The following LTN1 variants were observed in gnomAD, a reference collection of about 807,000 sequenced individuals.
LTN1 encodes E3 ubiquitin-protein ligase listerin.
LTN1 carries 88 observed loss-of-function variants against 201.2 expected under a neutral mutation model. That is an observed-to-expected ratio of 0.44 (90% CI 0.37 to 0.52). The LOEUF is 0.52. Among genes scored for constraint, LTN1 ranks in the 20% least tolerant of loss-of-function variants. The pLI is 0.00. For missense variants in LTN1, 1,752 were observed against 2,038.7 expected, an observed-to-expected ratio of 0.86 and a Z score of 2.71; for synonymous variants, 645 against 713.5, an observed-to-expected ratio of 0.90 and a Z score of 1.53.
chr21:28,973,069 C>T (rs577861935), intron 6 of LTN1, among the ~76,000 whole-genome samples: 137 of 152,120 alleles, frequency 9.0e-4, no homozygotes, highest in Admixed American at 1.5e-3. Flanking sequence ...GGATGAAGGC[C>T]GGGCATGGTG....
intron 18 of LTN1, 24 bp downstream of exon 18, chr21:28,952,136 T>C (rs758884275): frequency 2.1e-6 from 3 of 1,446,692 alleles, no homozygotes; most frequent in Non-Finnish European, 2.9e-6. Flanking sequence ...AACTACAAAG[T>C]AAAAACATTT....
At position 28,986,363 on chromosome 21, in the gene LTN1, G is replaced by C; in HGVS notation, c.247-126C>G. The C allele has an allele frequency of 1.4e-6, 1 of 706,874 alleles. No homozygotes were observed. Among genetic ancestry groups the C allele is most frequent in the Non-Finnish European group, 2.5e-6 (1 of 401,738 alleles). The allele number at this position is 706,874 out of a possible 1,614,324, so 43.8% of individuals were successfully genotyped here. On this transcript the variant is annotated intron_variant, in intron 2 of 29. Coordinates refer to ENST00000361371, the MANE Select transcript of LTN1 (RefSeq NM_015565.3). The surrounding 1 kb of genome is among the most constrained non-coding windows in gnomAD (Gnocchi z 4.1). ...TACACTATTTCTCTTTATGCCATAT[G>C]AGACTAGTTTGAAGAGCTCTTTCAC...
chr21:28,953,809 G>A lies in LTN1; in HGVS notation c.3080-433C>T, dbSNP rs1250053092. Among the ~76,000 whole-genome samples, 3 of 152,124 alleles carry A rather than the reference G, an allele frequency of 2.0e-5. No individual in the cohort carries two copies. In the East Asian group the frequency reaches 5.8e-4, roughly 29 times the overall value. Reference sequence around the variant, plus strand: ...GACATGAGGCCTCAATTACAGATTGGGGTGGATTCAAATCTGCATCTCTCT... The same window carrying A: ...GACATGAGGCCTCAATTACAGATTGAGGTGGATTCAAATCTGCATCTCTCT... On this transcript the variant is annotated intron_variant, in intron 16 of 29. Coordinates refer to ENST00000361371, the MANE Select transcript of LTN1 (RefSeq NM_015565.3).
At chr21:28,936,192 CAT>C (rs2084255478) in intron 26 of LTN1, among the ~76,000 whole-genome samples, 2 of 152,306 alleles carry the variant, frequency 1.3e-5, no homozygotes, top group African/African-American at 2.4e-5. Flanking sequence ...TCTCAGCTCA[CAT>C]GTGAGCTCCC....
chr21:28,956,959 A>G lies in LTN1; in HGVS notation c.2893-11T>C. The G allele has an allele frequency of 6.6e-7, 1 of 1,508,304 alleles. No homozygotes were observed. Among genetic ancestry groups the G allele is most frequent in the Non-Finnish European group, 9.0e-7 (1 of 1,110,892 alleles). The allele number at this position is 1,508,304 out of a possible 1,614,324, so 93.4% of individuals were successfully genotyped here. On this transcript the variant is annotated splice_polypyrimidine_tract_variant and intron_variant, in intron 15 of 29. Coordinates refer to ENST00000361371, the MANE Select transcript of LTN1 (RefSeq NM_015565.3). ...AGGTCTATGTAACCACTGTGAAAAG[A>G]ATACGTTATATACAAAATTATTTAT...
At chr21:28,936,312 C>T (rs1030135134) in intron 26 of LTN1, among the ~76,000 whole-genome samples, 3 of 152,196 alleles carry the variant, frequency 2.0e-5, no homozygotes, top group Admixed American at 6.5e-5. Flanking sequence ...TCTCACCACA[C>T]TAAGCTTCAA....
intron 16 of LTN1, among the ~76,000 whole-genome samples, chr21:28,954,560 T>C (rs2084409207): frequency 1.3e-5 from 2 of 152,120 alleles, no homozygotes; most frequent in East Asian, 1.9e-4. Context: ...CAAAACAGCA[T>C]GGTATTTGTA....
chr21:28,973,255 A>C lies in LTN1; in HGVS notation c.811-1811T>G, dbSNP rs189639072. 5.7e-3 allele frequency among the ~76,000 whole-genome samples: 859 copies of C among 151,738 alleles called. 4 individuals carry two copies. The highest frequency in any genetic ancestry group is 0.01 in the Middle Eastern group (3 of 292). ...CCCAGGATTTGGGAGGCTGAGGCAC[A>C]AAAATCACTTGAATCCGGAAGGCGG... On this transcript the variant is annotated intron_variant, in intron 6 of 29. Transcript: ENST00000361371.
At chr21:28,971,151 T>C in intron 7 of LTN1, 120 bp downstream of exon 7, 1 of 839,378 alleles carries the variant, frequency 1.2e-6, no homozygotes, top group Non-Finnish European at 1.8e-6. Flanking sequence ...TTAGTCACTT[T>C]AAGATTTATG....
At chr21:28,946,457 G>C (rs2084338769) in intron 19 of LTN1, among the ~76,000 whole-genome samples, 170 bp from the exon 20 acceptor site, 1 of 152,028 alleles carries the variant, frequency 6.6e-6, no homozygotes, top group East Asian at 1.9e-4. Flanking sequence ...AGCTCCAAAG[G>C]GCAGAGACCC....
At chr21:28,968,984 G>A (rs536451931) in intron 9 of LTN1, among the ~76,000 whole-genome samples, 91 of 151,648 alleles carry the variant, frequency 6.0e-4, no homozygotes, top group Non-Finnish European at 1.1e-3. Flanking sequence ...ACTTTGTGAA[G>A]CCGAGGCGGG....
chr21:28,944,332 G>T (rs2084320159), intron 22 of LTN1, 51 bp downstream of exon 22: 2 of 1,421,800 alleles, frequency 1.4e-6, no homozygotes, highest in Non-Finnish European at 2.0e-6. Flanking sequence ...GAATTTTTCA[G>T]TAAGTCATTT....
At chr21:28,973,050 C>A (rs2084587441) in intron 6 of LTN1, among the ~76,000 whole-genome samples, 1 of 152,018 alleles carries the variant, frequency 6.6e-6, no homozygotes, top group Admixed American at 6.6e-5. Context: ...ATATGTCTTT[C>A]AAGAATGAGG....
chr21:28,982,710 T>C (rs1418453477), intron 4 of LTN1, among the ~76,000 whole-genome samples: 1 of 152,200 alleles, frequency 6.6e-6, no homozygotes, highest in Admixed American at 6.5e-5. Context: ...TAAGCCTGCT[T>C]GCCCACAAAG....
At position 28,944,471 on chromosome 21, in the gene LTN1, A is replaced by T; in HGVS notation, c.3894T>A (p.Asn1298Lys). 18 of 1,614,046 alleles carry T rather than the reference A, an allele frequency of 1.1e-5. No individual in the cohort carries two copies. The highest frequency in any genetic ancestry group is 1.4e-5 in the Non-Finnish European group (17 of 1,179,940). Residue 1298 changes from asparagine to lysine, a missense_variant, in exon 22 of 30, where the codon AAT becomes AAA. Coordinates refer to ENST00000361371, the MANE Select transcript of LTN1 (RefSeq NM_015565.3). ...ATTCACTGATTAGATTTACAGGAAG[A>T]TTGCCAATGGTATCCAGAGTTGTGG... ...FDSTTLDTIGNLPVNLISEWK... is the reference protein window; with the variant it reads ...FDSTTLDTIGKLPVNLISEWK...
At chr21:28,978,369 C>G (rs981501243) in intron 6 of LTN1, among the ~76,000 whole-genome samples, 4 of 151,582 alleles carry the variant, frequency 2.6e-5, no homozygotes, top group African/African-American at 9.7e-5. Context: ...GGCATGACCA[C>G]AGATCAACAG....
chr21:28,977,191 C>T (rs1281639332), intron 6 of LTN1, among the ~76,000 whole-genome samples: 7 of 151,854 alleles, frequency 4.6e-5, no homozygotes, highest in African/African-American at 9.7e-5. Flanking sequence ...CTGGCCAACA[C>T]GGCAAAACCC....
In LTN1 at chr21:28,959,439, T is replaced by C. The variant is rs2146289062; in HGVS notation, c.2593+19A>G. On this transcript the variant is annotated intron_variant, in intron 13 of 29. Transcript: ENST00000361371. ...GAGCCGGAGATTCCCAACAAAACAT[T>C]TGAGCAGTAGGCTATTACCTGGCAA... is the stretch of plus-strand genomic sequence containing the variant. 6.2e-6 allele frequency: 10 copies of C among 1,605,512 alleles called. No individual in the cohort carries two copies. The highest frequency in any genetic ancestry group is 1.3e-5 in the African/African-American group (1 of 74,712).
In LTN1 at chr21:28,986,199, GTC is replaced by G. The variant is rs1405990459; in HGVS notation, c.283_284del (p.Asp95HisfsTer21). 2 of 1,613,328 alleles carry G rather than the reference GTC, an allele frequency of 1.2e-6. No homozygotes were observed. The highest frequency in any genetic ancestry group is 1.1e-5 in the South Asian group (1 of 91,066). On this transcript the variant is annotated frameshift_variant, in exon 3 of 30. Coordinates refer to ENST00000361371, the MANE Select transcript of LTN1 (RefSeq NM_015565.3). LOFTEE classifies it high-confidence loss of function. The surrounding 1 kb of genome is among the most constrained non-coding windows in gnomAD (Gnocchi z 4.1). ...QEFGTMCTER[D>X]TETVKGVLPY... is the part of the protein sequence containing the mutation. Reference sequence around the variant, plus strand: ...GAAGAACTCCTTTCACAGTTTCTGTGTCTCTCTCTGTACACATGGTTCCAAAT... The same window carrying G: ...GAAGAACTCCTTTCACAGTTTCTGTGTCTCTCTGTACACATGGTTCCAAAT...
Sources: allele counts gnomAD v4.1 joint callset (sites outside exome capture counted in the v4.1 genomes callset), GRCh38; gene constraint gnomAD v4.1.1; non-coding constraint Gnocchi (gnomAD v3.1); transcripts MANE v1.5; gene names NCBI Gene and HGNC (gene_info 2026-07-23, HGNC 2026-07-21).